Variants in LSM12 observed in about 807,000 individuals in gnomAD.
LSM12 encodes the protein protein LSM12.
For synonymous variants in LSM12, 74 were observed against 87.3 expected (o/e 0.85, Z 0.85); for missense variants, 108 against 238.9 (o/e 0.45, Z 3.61).
intron 2 of LSM12, among the ~76,000 whole-genome samples, chr17:44,046,887 C>T (rs1000802589): frequency 4.6e-5 from 7 of 150,940 alleles, no homozygotes; most frequent in East Asian, 2.0e-4. Flanking sequence ...CCCGCCACCA[C>T]GCCTGGCTAA....
intron 2 of LSM12, among the ~76,000 whole-genome samples, chr17:44,060,501 C>T (rs1281887788): frequency 6.6e-6 from 1 of 152,186 alleles, no homozygotes; most frequent in Non-Finnish European, 1.5e-5. Flanking sequence ...ATATAGCTTA[C>T]TCATAAACAT....
chr17:44,057,500 G>A (rs1036136281), intron 2 of LSM12, among the ~76,000 whole-genome samples: 7 of 151,346 alleles, frequency 4.6e-5, no homozygotes, highest in African/African-American at 1.2e-4. Flanking sequence ...AGTGGCTCAC[G>A]CCTGTAATCC....
intron 2 of LSM12, among the ~76,000 whole-genome samples, chr17:44,041,607 T>C (rs2049495955): frequency 6.6e-6 from 1 of 152,184 alleles, no homozygotes; most frequent in Non-Finnish European, 1.5e-5. Flanking sequence ...CTACGTCATG[T>C]CTGTTCCTTC....
At chr17:44,051,369 G>A (rs1272256599) in intron 2 of LSM12, among the ~76,000 whole-genome samples, 3 of 132,408 alleles carry the variant, frequency 2.3e-5, no homozygotes, top group East Asian at 4.4e-4. Flanking sequence ...TTAGCCTGGC[G>A]ACAGAGCGAG....
At chr17:44,046,709 CAAAAA>C (rs542504532) in intron 2 of LSM12, among the ~76,000 whole-genome samples, 1 of 42,692 alleles carries the variant, frequency 2.3e-5, no homozygotes, top group African/African-American at 8.8e-5. Context: ...GACTCCGTCT[CAAAAA>C]AAAAAAAAAA....
Position 44,041,862 on chromosome 17 carries a change from A to G in LSM12, c.259-1606T>C, listed in dbSNP as rs568418237. Among the ~76,000 whole-genome samples, 4 of 152,360 alleles carry G rather than the reference A, an allele frequency of 2.6e-5. 1 individual carries two copies. The South Asian group carries it at 8.3e-4, about 32-fold the overall frequency. On this transcript the variant is annotated intron_variant, in intron 2 of 4. Transcript: ENST00000293406. ...AATTAAAGGCAAACAATGCATCTTA[A>G]AAGTCCAACAAATAATCTGGAGACT...
intron 2 of LSM12, among the ~76,000 whole-genome samples, chr17:44,051,214 G>A (rs2144093649): frequency 6.6e-6 from 1 of 152,088 alleles, no homozygotes. Context: ...AGACCAGCCT[G>A]GCCAATATGG....
chr17:44,061,126 T>C (rs1270408792), intron 2 of LSM12, among the ~76,000 whole-genome samples: 1 of 152,096 alleles, frequency 6.6e-6, no homozygotes, highest in African/African-American at 2.4e-5. Flanking sequence ...GAGACCAGCC[T>C]GACCAACACG....
At chr17:44,047,792 A>G (rs1256363816) in intron 2 of LSM12, among the ~76,000 whole-genome samples, 1 of 150,142 alleles carries the variant, frequency 6.7e-6, no homozygotes, top group Non-Finnish European at 1.5e-5. Flanking sequence ...TGTGTTCCCT[A>G]GGCTAGTCTC....
rs1265468213 is a variant in LSM12, at chr17:44,066,615, G to C, written c.-28C>G. 1 of 1,324,018 alleles carries C rather than the reference G, an allele frequency of 7.6e-7. No individual in the cohort carries two copies. The highest frequency in any genetic ancestry group is 9.7e-7 in the Non-Finnish European group (1 of 1,033,500). The allele number at this position is 1,324,018 out of a possible 1,614,324, so 82.0% of individuals were successfully genotyped here. On this transcript the variant is annotated 5_prime_UTR_variant, in exon 1 of 5. Coordinates refer to ENST00000293406, the MANE Select transcript of LSM12 (RefSeq NM_001371445.1). ...TGGGAGTGCAGCCGCGGCCGGCGGCGGCGGCGGCAGCAGCGGGCGAAAGCC... is the reference window on the plus strand; with the variant it reads ...TGGGAGTGCAGCCGCGGCCGGCGGCCGCGGCGGCAGCAGCGGGCGAAAGCC...
intron 2 of LSM12, among the ~76,000 whole-genome samples, chr17:44,056,174 G>A (rs2049711153): frequency 6.6e-6 from 1 of 151,886 alleles, no homozygotes; most frequent in Non-Finnish European, 1.5e-5. Context: ...TTGGGAGGCT[G>A]AGGTAGGAGA....
At chr17:44,037,633 G>C (rs2049432955) in intron 3 of LSM12, 95 bp from the exon 4 acceptor site, 1 of 1,417,856 alleles carries the variant, frequency 7.1e-7, no homozygotes, top group Admixed American at 2.7e-5. Flanking sequence ...CTGATCCCAA[G>C]TTCCCAGCTC....
In LSM12 at chr17:44,038,338, A is replaced by G. The variant is rs114267780; in HGVS notation, c.369-800T>C. Among the ~76,000 whole-genome samples, 1,388 of 150,888 alleles carry G rather than the reference A, an allele frequency of 9.2e-3. 20 individuals carry two copies. Among genetic ancestry groups the G allele is most frequent in the African/African-American group, 0.032 (1,304 of 40,822 alleles). On this transcript the variant is annotated intron_variant, in intron 3 of 4. Transcript: ENST00000293406. ...CACTGCACTCCCAACCTAGGCAATA[A>G]AAGTGAGACCCTGTCTCAAAAAAAA...
chr17:44,045,005 G>A (rs906730394), intron 2 of LSM12, among the ~76,000 whole-genome samples: 3 of 151,994 alleles, frequency 2.0e-5, no homozygotes, highest in Non-Finnish European at 4.4e-5. Context: ...GGCTTGGGAG[G>A]GCCACCAAGA....
intron 2 of LSM12, among the ~76,000 whole-genome samples, chr17:44,052,169 G>A (rs768604376): frequency 2.6e-4 from 39 of 151,458 alleles, no homozygotes; most frequent in Non-Finnish European, 4.9e-4. Context: ...CAAGGAGGTC[G>A]AGGCTGCAGT....
chr17:44,042,551 C>A (rs2049508574), intron 2 of LSM12, among the ~76,000 whole-genome samples: 1 of 139,440 alleles, frequency 7.2e-6, no homozygotes, highest in African/African-American at 2.7e-5. Flanking sequence ...AGGTGCCCGC[C>A]ACCACCCCCA....
chr17:44,035,974 G>A lies in LSM12; in HGVS notation c.*234C>T. ...CTGTTCCAGAAGAGGGCTGTGAAAA[G>A]GACATGGTGGACCGAAGTCTGTTAG... On this transcript the variant is annotated 3_prime_UTR_variant, in exon 5 of 5. Coordinates refer to ENST00000293406, the MANE Select transcript of LSM12 (RefSeq NM_001371445.1). 2.9e-6 allele frequency: 1 copy of A among 349,064 alleles called. No individual in the cohort carries two copies. 21.6% of individuals were successfully genotyped at this position (349,064 alleles called of 1,614,324 possible).
At chr17:44,042,462 C>T (rs1271899249) in intron 2 of LSM12, among the ~76,000 whole-genome samples, 1 of 151,922 alleles carries the variant, frequency 6.6e-6, no homozygotes, top group African/African-American at 2.4e-5. Context: ...TACAATGGCA[C>T]GATCTCAGCT....
At chr17:44,038,140 G>A (rs540902622) in intron 3 of LSM12, among the ~76,000 whole-genome samples, 3 of 152,144 alleles carry the variant, frequency 2.0e-5, no homozygotes, top group Admixed American at 6.5e-5. Context: ...CTTGAGTCCA[G>A]GAGTTCGAGA....
Sources: gnomAD v4.1 joint callset for allele counts (sites outside exome capture counted in the v4.1 genomes callset) on GRCh38, gnomAD v4.1.1 for gene constraint, MANE v1.5 for transcripts, NCBI Gene and HGNC (gene_info 2026-07-23, HGNC 2026-07-21) for gene names.